The following DENND5A variants were observed in gnomAD, a reference collection of about 807,000 sequenced individuals.
DENND5A encodes DENN domain containing 5A, also known as DENN domain-containing protein 5A.
DENND5A carries 64 observed loss-of-function variants against 140.3 expected under a neutral mutation model. The ratio of observed to expected loss-of-function variants is 0.46; its 90% CI spans 0.37 to 0.56. The LOEUF is 0.56. Ranked by LOEUF, DENND5A falls within the 20% of genes least tolerant of loss-of-function variation. The probability of loss-of-function intolerance (pLI) is 0.00; values close to 1 mark genes in which losing one functional copy is unlikely to be tolerated. For synonymous variants in DENND5A, 605 were observed against 607.7 expected, an observed-to-expected ratio of 1.00 and a Z score of 0.07; for missense variants, 1,292 against 1,593.8, an observed-to-expected ratio of 0.81 and a Z score of 3.22.
At chr11:9,262,987 C>G (rs1012487229) in intron 1 of DENND5A, among the ~76,000 whole-genome samples, 1 of 151,958 alleles carries the variant, frequency 6.6e-6, no homozygotes, top group African/African-American at 2.4e-5. Context: ...GTGATCCGCC[C>G]GCCTCAGCCT....
At chr11:9,190,956 AG>A (rs1209047309) in intron 5 of DENND5A, among the ~76,000 whole-genome samples, 1 of 152,168 alleles carries the variant, frequency 6.6e-6, no homozygotes, top group African/African-American at 2.4e-5. Context: ...AAATCAAGGT[AG>A]AAAATATCCA....
intron 1 of DENND5A, among the ~76,000 whole-genome samples, chr11:9,244,559 G>C (rs762577312): frequency 1.3e-5 from 2 of 152,114 alleles, no homozygotes; most frequent in Non-Finnish European, 2.9e-5. Context: ...AGTAGAGACC[G>C]GGTTTCTCCC....
chr11:9,209,191 T>C (rs6486210), intron 1 of DENND5A, among the ~76,000 whole-genome samples: 94,385 of 152,010 alleles, frequency 0.62, 29,936 homozygotes, highest in African/African-American at 0.72. Flanking sequence ...CTATCACCGT[T>C]CTCTGTAAAG....
chr11:9,254,687 C>A (rs925267085), intron 1 of DENND5A, among the ~76,000 whole-genome samples: 17 of 152,154 alleles, frequency 1.1e-4, no homozygotes, highest in African/African-American at 4.1e-4. Flanking sequence ...CACATCGACT[C>A]CCAGTTTGAA....
chr11:9,176,890 A>G (rs1475503709), intron 8 of DENND5A: 1 of 456,222 alleles, frequency 2.2e-6, no homozygotes, highest in African/African-American at 2.0e-5. Context: ...TGATCATATA[A>G]TATGATTTTG....
chr11:9,149,971 C>A, intron 15 of DENND5A, 110 bp downstream of exon 15: 1 of 1,425,606 alleles, frequency 7.0e-7, no homozygotes, highest in Non-Finnish European at 9.4e-7. Flanking sequence ...AAGAGGTTAG[C>A]TGAATGCAGC....
intron 1 of DENND5A, among the ~76,000 whole-genome samples, chr11:9,220,990 G>C (rs1850290168): frequency 6.6e-6 from 1 of 151,388 alleles, no homozygotes; most frequent in South Asian, 2.1e-4. Flanking sequence ...GCTGAGGTGG[G>C]AGGACTGCTT....
rs1847588661 is a variant in DENND5A, at chr11:9,150,761, A to G, written c.2525T>C (p.Ile842Thr). 1.2e-6 allele frequency: 2 copies of G among 1,610,542 alleles called. No homozygotes were observed. Among genetic ancestry groups the G allele is most frequent in the African/African-American group, 2.7e-5 (2 of 74,972 alleles). ...LTSGSLSTSGILLDSERRKSD... is the reference protein window; with the variant it reads ...LTSGSLSTSGTLLDSERRKSD... ...CTTCCTACGTTCTGAATCAAGAAGT[A>G]TTCCTAGAATAAACAAGTTGGTCAT... The change falls in exon 14 of 23, where the codon ATA (isoleucine) becomes ACA (threonine). Residue 842 changes from isoleucine (I) to threonine (T), a missense_variant. Physicochemically the swap from Ile to Thr is moderately conservative, Grantham distance 89 (BLOSUM62 -1). This residue lies in a region of DENND5A where 498 missense variants were observed against 689.7 expected (regional missense o/e 0.72). Transcript: ENST00000328194.
At chr11:9,157,245 G>A (rs895206725) in intron 12 of DENND5A, among the ~76,000 whole-genome samples, 17 of 152,178 alleles carry the variant, frequency 1.1e-4, no homozygotes, top group African/African-American at 4.1e-4. Context: ...CATAATAATA[G>A]CTGTCATATG....
chr11:9,252,515 C>T (rs1209979277), intron 1 of DENND5A, among the ~76,000 whole-genome samples: 1 of 151,776 alleles, frequency 6.6e-6, no homozygotes, highest in Non-Finnish European at 1.5e-5. Flanking sequence ...GGTGTGGTGG[C>T]GCTTGCATGT....
intron 5 of DENND5A, among the ~76,000 whole-genome samples, chr11:9,188,786 C>A (rs929384455): frequency 6.6e-6 from 1 of 152,108 alleles, no homozygotes; most frequent in African/African-American, 2.4e-5. Flanking sequence ...CAAGAGGTCT[C>A]TTGGGTGCTG....
intron 10 of DENND5A, among the ~76,000 whole-genome samples, chr11:9,168,500 C>G (rs568748734): frequency 6.6e-6 from 1 of 152,092 alleles, no homozygotes; most frequent in Non-Finnish European, 1.5e-5. Flanking sequence ...TGAAAACAGA[C>G]TAATACACTC....
chr11:9,265,066 T>C lies in DENND5A; in HGVS notation c.4A>G (p.Ser2Gly). Residue 2 changes from serine to glycine, a missense_variant, in exon 1 of 23, where the codon AGT becomes GGT. By Grantham distance (56) the Ser-to-Gly change is moderately conservative (BLOSUM62 0). Around this residue, in one of 4 missense-constraint regions of DENND5A, gnomAD observed 566 missense variants for 650.4 expected, o/e 0.87. Transcript: ENST00000328194. The surrounding 1 kb of genome is among the most constrained non-coding windows in gnomAD (Gnocchi z 4.7). ...GAGCCCCCTCCGCCGCCGCCGCCACTCATGGCGCCGGGGCCGAGACCGGCC... is the reference window on the plus strand; with the variant it reads ...GAGCCCCCTCCGCCGCCGCCGCCACCCATGGCGCCGGGGCCGAGACCGGCC... MSGGGGGGGSAP... is the reference protein window; with the variant it reads MGGGGGGGGSAP... The C allele has an allele frequency of 6.5e-7, 1 of 1,534,088 alleles. No individual in the cohort carries two copies. Among genetic ancestry groups the C allele is most frequent in the Non-Finnish European group, 8.8e-7 (1 of 1,142,730 alleles).
chr11:9,250,366 G>A (rs765690225), intron 1 of DENND5A, among the ~76,000 whole-genome samples: 1 of 151,684 alleles, frequency 6.6e-6, no homozygotes, highest in Non-Finnish European at 1.5e-5. Flanking sequence ...AAAGAGGAAA[G>A]AACAATGGTT....
At chr11:9,220,451 G>A (rs531811813) in intron 1 of DENND5A, among the ~76,000 whole-genome samples, 1 of 152,102 alleles carries the variant, frequency 6.6e-6, no homozygotes, top group African/African-American at 2.4e-5. Context: ...GGAAGCTGAG[G>A]CAGGAGAATC....
chr11:9,251,816 C>T (rs1234019031), intron 1 of DENND5A, among the ~76,000 whole-genome samples: 1 of 150,168 alleles, frequency 6.7e-6, no homozygotes, highest in Non-Finnish European at 1.5e-5. Context: ...AGTGAAACCC[C>T]GTCTCTACTA....
intron 12 of DENND5A, 67 bp downstream of exon 12, chr11:9,160,646 T>A: frequency 6.8e-7 from 1 of 1,473,256 alleles, no homozygotes; most frequent in Non-Finnish European, 9.3e-7. Context: ...AAAAAGAGTG[T>A]GGGAAAGCTA....
At chr11:9,183,499 C>T (rs1848803562) in intron 5 of DENND5A, among the ~76,000 whole-genome samples, 1 of 151,238 alleles carries the variant, frequency 6.6e-6, no homozygotes, top group Non-Finnish European at 1.5e-5. Context: ...TGCAGTGGCA[C>T]AGTCATGGCT....
At chr11:9,233,840 T>C (rs979530596) in intron 1 of DENND5A, among the ~76,000 whole-genome samples, 1 of 152,098 alleles carries the variant, frequency 6.6e-6, no homozygotes, top group Non-Finnish European at 1.5e-5. Context: ...ATTATTGTTG[T>C]TTTAAGCCAC....
Sources: gnomAD v4.1 joint callset for allele counts (sites outside exome capture counted in the v4.1 genomes callset) on GRCh38, gnomAD v4.1.1 for gene constraint, gnomAD v4.1.1 regional missense constraint, Gnocchi (gnomAD v3.1) non-coding constraint, MANE v1.5 for transcripts, NCBI Gene and HGNC (gene_info 2026-07-23, HGNC 2026-07-21) for gene names.